Variants in GPHN observed in about 807,000 individuals in gnomAD.
The protein encoded by GPHN is gephyrin.
Under a neutral mutation model 95.5 loss-of-function variants are expected in GPHN, and 17 were observed. That is an observed-to-expected ratio of 0.18 (90% CI 0.12 to 0.27). The LOEUF is 0.27. Ranked by LOEUF, GPHN falls within the 10% of genes least tolerant of loss-of-function variation. GPHN has a pLI of 1.00. For synonymous variants in GPHN, 320 were observed against 322.5 expected (o/e 0.99, Z 0.08); for missense variants, 660 against 978.1 (o/e 0.67, Z 4.34).
At chr14:67,031,746 T>G (rs183545667) in intron 10 of GPHN, among the ~76,000 whole-genome samples, 192 of 152,298 alleles carry the variant, frequency 1.3e-3, no homozygotes, top group Non-Finnish European at 1.9e-3. Context: ...ATTTTTTTAT[T>G]TGTGAAACCT....
the GPHN span, chr14:67,735,344 G>C: frequency 1.3e-6 from 1 of 765,314 alleles, no homozygotes; most frequent in Non-Finnish European, 2.4e-6. Flanking sequence ...CATCTAGTCT[G>C]CTCAGCCTGG....
At chr14:67,215,814 T>C in the GPHN span, among the ~76,000 whole-genome samples, 2 of 152,174 alleles carry the variant, frequency 1.3e-5, no homozygotes, top group Admixed American at 6.6e-5. Flanking sequence ...TTCATTCTTA[T>C]GTCTCAAATC....
chr14:67,290,631 C>T, the GPHN span, among the ~76,000 whole-genome samples: 1 of 152,188 alleles, frequency 6.6e-6, no homozygotes, highest in African/African-American at 2.4e-5. Context: ...CTGCTGAGCT[C>T]AAGCAATCTG....
the GPHN span, chr14:67,412,321 C>G: frequency 2.5e-6 from 1 of 395,396 alleles, no homozygotes; most frequent in Non-Finnish European, 4.4e-6. Flanking sequence ...GAGCGGCCAA[C>G]CCCGCCCCAT....
At chr14:67,195,748 T>A in the GPHN span, among the ~76,000 whole-genome samples, 1 of 151,814 alleles carries the variant, frequency 6.6e-6, no homozygotes, top group Non-Finnish European at 1.5e-5. Flanking sequence ...TGTGTGTGTG[T>A]GTGTGTGTGT....
intron 5 of GPHN, among the ~76,000 whole-genome samples, chr14:66,911,917 G>A (rs559282457): frequency 1.3e-5 from 2 of 152,004 alleles, no homozygotes; most frequent in African/African-American, 4.8e-5. Context: ...CATCACCTTT[G>A]CAACCACCCT....
At chr14:66,649,395 T>TC (rs963128361) in intron 1 of GPHN, among the ~76,000 whole-genome samples, 1 of 151,400 alleles carries the variant, frequency 6.6e-6, no homozygotes, top group Non-Finnish European at 1.5e-5. Context: ...CCAGTAGCAG[T>TC]CCGTGACCTG....
intron 10 of GPHN, among the ~76,000 whole-genome samples, chr14:67,028,611 G>C (rs756349712): frequency 6.6e-6 from 1 of 152,088 alleles, no homozygotes; most frequent in Non-Finnish European, 1.5e-5. Context: ...TTTCTCTGAT[G>C]ATTAGTGATT....
At chr14:66,955,957 G>T (rs1219106987) in intron 8 of GPHN, among the ~76,000 whole-genome samples, 2 of 151,960 alleles carry the variant, frequency 1.3e-5, no homozygotes, top group Non-Finnish European at 2.9e-5. Context: ...GTCTATCATT[G>T]ATGGACATTT....
intron 4 of GPHN, among the ~76,000 whole-genome samples, chr14:66,854,614 A>T (rs1280073323): frequency 6.6e-6 from 1 of 152,182 alleles, no homozygotes; most frequent in Non-Finnish European, 1.5e-5. Flanking sequence ...TGTTATGCAA[A>T]GTCTCAACAT....
chr14:67,042,363 T>C (rs1288703584), intron 10 of GPHN, among the ~76,000 whole-genome samples: 1 of 152,212 alleles, frequency 6.6e-6, no homozygotes, highest in Non-Finnish European at 1.5e-5. Flanking sequence ...TGGTCCTAGG[T>C]CTTATGTTTA....
In GPHN at chr14:66,659,424, T is replaced by C. The variant is rs1383675344; in HGVS notation, c.65-21683T>C. ...TTTGCTGGTTTTGACTAGAGTGTTC[T>C]TTAAATGTCAGTTATGTCCTGGTGG... On this transcript the variant is annotated intron_variant, in intron 1 of 22. Transcript: ENST00000478722. Among the ~76,000 whole-genome samples the C allele has an allele frequency of 2.0e-5, 3 of 152,158 alleles. No homozygotes were observed. The South Asian group carries it at 6.2e-4, about 32-fold the overall frequency.
At chr14:66,778,010 T>C (rs371636521) in intron 3 of GPHN, among the ~76,000 whole-genome samples, 1 of 151,664 alleles carries the variant, frequency 6.6e-6, no homozygotes, top group Non-Finnish European at 1.5e-5. Flanking sequence ...AGGGTATTCA[T>C]TTAGGAAAAG....
chr14:67,198,270 G>C, the GPHN span: 4 of 1,613,920 alleles, frequency 2.5e-6, no homozygotes, highest in South Asian at 1.1e-5. Context: ...GGATGGAGGA[G>C]AGTATGCCCC....
the GPHN span, among the ~76,000 whole-genome samples, chr14:67,658,584 G>T: frequency 6.6e-5 from 10 of 152,094 alleles, 1 homozygote; most frequent in South Asian, 1.7e-3. Context: ...GTGACAGAGC[G>T]AGACTCCGTC....
At chr14:67,732,687 C>A in the GPHN span, among the ~76,000 whole-genome samples, 1 of 152,150 alleles carries the variant, frequency 6.6e-6, no homozygotes, top group Non-Finnish European at 1.5e-5. Flanking sequence ...AGCCATTCTC[C>A]TGCATCAGCC....
chr14:66,876,948 T>A (rs566350241), intron 4 of GPHN, among the ~76,000 whole-genome samples: 1 of 151,390 alleles, frequency 6.6e-6, no homozygotes, highest in African/African-American at 2.4e-5. Flanking sequence ...ACAAAAAAAA[T>A]TTCAGGCCAA....
At position 66,763,222 on chromosome 14, in the gene GPHN, CTTT is replaced by C. The variant is rs34959102; in HGVS notation, c.144-13231_144-13229del. On this transcript the variant is annotated intron_variant, in intron 2 of 22. Coordinates refer to ENST00000478722, the MANE Select transcript of GPHN (RefSeq NM_020806.5). Reference sequence around the variant, plus strand: ...ATATTACAACTATTTTTTTTTTAATCTTTTTTTTTTTTTCTTTTTTTATTATTA... The same window carrying C: ...ATATTACAACTATTTTTTTTTTAATCTTTTTTTTTTCTTTTTTTATTATTA... Among the ~76,000 whole-genome samples, 281 of 144,328 alleles carry C rather than the reference CTTT, an allele frequency of 1.9e-3. 5 individuals carry two copies. The highest frequency in any genetic ancestry group is 7.3e-3 in the East Asian group (36 of 4,946). The allele number at this position is 144,328 out of a possible 152,430, so 94.7% of individuals were successfully genotyped here.
intron 11 of GPHN, among the ~76,000 whole-genome samples, chr14:67,062,852 T>G (rs2075880166): frequency 6.6e-6 from 1 of 152,222 alleles, no homozygotes; most frequent in African/African-American, 2.4e-5. Context: ...TGCAAAAATT[T>G]TCTCCCATTC....
Sources: gnomAD v4.1 joint callset for allele counts (sites outside exome capture counted in the v4.1 genomes callset) on GRCh38, gnomAD v4.1.1 for gene constraint, MANE v1.5 for transcripts, NCBI Gene and HGNC (gene_info 2026-07-23, HGNC 2026-07-21) for gene names.